The following USP12 variants were observed in gnomAD, a reference collection of about 807,000 sequenced individuals.
The protein encoded by USP12 is ubiquitin carboxyl-terminal hydrolase 12.
USP12 carries 19 observed loss-of-function variants against 45.5 expected under a neutral mutation model. That is an observed-to-expected ratio of 0.42 (90% confidence interval 0.29 to 0.61). The LOEUF is 0.61. Ranked by LOEUF, USP12 falls within the 20% of genes least tolerant of loss-of-function variation. The pLI is 0.22. For missense variants in USP12, 242 were observed against 447.7 expected (o/e 0.54, Z 4.15); for synonymous variants, 149 against 148.8 (o/e 1.00, Z -0.01).
chr13:27,163,155 C>T (rs531671706), intron 1 of USP12, among the ~76,000 whole-genome samples: 13 of 152,276 alleles, frequency 8.5e-5, no homozygotes, highest in Admixed American at 8.5e-4. Flanking sequence ...TTTACCAACT[C>T]CATTGTTTCT....
intron 1 of USP12, among the ~76,000 whole-genome samples, chr13:27,158,618 T>C (rs1877951378): frequency 6.6e-6 from 1 of 152,210 alleles, no homozygotes. Flanking sequence ...TGTAGGTAAC[T>C]GTAACACAAT....
At chr13:27,155,822 C>T (rs141591841) in intron 1 of USP12, among the ~76,000 whole-genome samples, 2 of 152,252 alleles carry the variant, frequency 1.3e-5, no homozygotes. Flanking sequence ...GGAAAAGGTT[C>T]AACTTAATTT....
intron 4 of USP12, among the ~76,000 whole-genome samples, chr13:27,091,591 G>T (rs1200025407): frequency 6.6e-6 from 1 of 152,176 alleles, no homozygotes; most frequent in African/African-American, 2.4e-5. Context: ...GCACAATATG[G>T]GGAGATCCCA....
chr13:27,127,812 G>A (rs140837793), intron 1 of USP12, among the ~76,000 whole-genome samples: 14 of 152,138 alleles, frequency 9.2e-5, no homozygotes, highest in Admixed American at 3.9e-4. Context: ...TAATCACTGC[G>A]CAAGTAACTG....
intron 6 of USP12, among the ~76,000 whole-genome samples, chr13:27,085,732 G>A (rs1394406265): frequency 6.6e-6 from 1 of 151,590 alleles, no homozygotes; most frequent in Non-Finnish European, 1.5e-5. Context: ...CCTACAAAGT[G>A]TCCAAAAATA....
At chr13:27,158,630 G>A (rs1280985627) in intron 1 of USP12, among the ~76,000 whole-genome samples, 1 of 152,124 alleles carries the variant, frequency 6.6e-6, no homozygotes, top group Non-Finnish European at 1.5e-5. Context: ...TAACACAATG[G>A]TAAGTATTCA....
rs182874416 is a variant in USP12, at chr13:27,118,839, G to A, written c.49-2243C>T. On this transcript the variant is annotated intron_variant, in intron 1 of 8. Transcript: ENST00000282344. ...GAAGGTTATCTCTCTACTGTTAGCC[G>A]AATCACATGCCACTCGCCTTGTATT... Among the ~76,000 whole-genome samples, 220 of 152,236 alleles carry A rather than the reference G, an allele frequency of 1.4e-3. 1 individual carries two copies. Among genetic ancestry groups the A allele is most frequent in the Middle Eastern group, 6.8e-3 (2 of 294 alleles).
At chr13:27,136,780 C>T (rs539453493) in intron 1 of USP12, among the ~76,000 whole-genome samples, 1 of 151,954 alleles carries the variant, frequency 6.6e-6, no homozygotes, top group East Asian at 1.9e-4. Context: ...AAAAGGAAAA[C>T]CTAGATCAAA....
chr13:27,155,841 T>C (rs1409537467), intron 1 of USP12, among the ~76,000 whole-genome samples: 2 of 152,234 alleles, frequency 1.3e-5, no homozygotes, highest in East Asian at 1.9e-4. Flanking sequence ...TTGTAAACTT[T>C]AGCCTGCCTA....
chr13:27,075,886 C>T lies in USP12; in HGVS notation c.735-498G>A, dbSNP rs533958508. Among the ~76,000 whole-genome samples, 1,099 of 151,990 alleles carry T rather than the reference C, an allele frequency of 7.2e-3. 12 individuals carry two copies. The highest frequency in any genetic ancestry group is 0.022 in the African/African-American group (906 of 41,452). ...CTCTACTAAAAATACAAAAAATAGC[C>T]GGGCATAGTGGCAGGCGCCCATAGT... On this transcript the variant is annotated intron_variant, in intron 6 of 8. Coordinates refer to ENST00000282344, the MANE Select transcript of USP12 (RefSeq NM_182488.4).
At chr13:27,164,231 G>A (rs1243766226) in intron 1 of USP12, among the ~76,000 whole-genome samples, 2 of 152,200 alleles carry the variant, frequency 1.3e-5, no homozygotes, top group Non-Finnish European at 2.9e-5. Context: ...AGTAGAGAAT[G>A]TGTGGATGCT....
At chr13:27,156,832 A>G (rs937971665) in intron 1 of USP12, among the ~76,000 whole-genome samples, 8 of 149,312 alleles carry the variant, frequency 5.4e-5, no homozygotes, top group African/African-American at 2.0e-4. Context: ...AAAAAAACAA[A>G]AGAGAGAGAG....
At chr13:27,159,020 A>G (rs1411549694) in intron 1 of USP12, among the ~76,000 whole-genome samples, 1 of 151,998 alleles carries the variant, frequency 6.6e-6, no homozygotes, top group Non-Finnish European at 1.5e-5. Flanking sequence ...ACATATCCCA[A>G]CTCTTTCTAG....
chr13:27,120,291 A>T (rs2137800674), intron 1 of USP12, among the ~76,000 whole-genome samples: 1 of 152,344 alleles, frequency 6.6e-6, no homozygotes, highest in South Asian at 2.1e-4. Flanking sequence ...CCCTATCAAA[A>T]CTAACAATAG....
At chr13:27,127,212 G>A (rs1876282234) in intron 1 of USP12, among the ~76,000 whole-genome samples, 1 of 152,184 alleles carries the variant, frequency 6.6e-6, no homozygotes, top group Non-Finnish European at 1.5e-5. Flanking sequence ...AAGTTAAAAT[G>A]TGCACCATAA....
intron 1 of USP12, among the ~76,000 whole-genome samples, chr13:27,133,869 TG>T (rs1876652402): frequency 1.3e-5 from 2 of 152,370 alleles, no homozygotes; most frequent in South Asian, 4.1e-4. Flanking sequence ...TGGTGGCTTG[TG>T]CCTGTAATCC....
intron 6 of USP12, among the ~76,000 whole-genome samples, chr13:27,076,825 T>A (rs1338767149): frequency 6.6e-6 from 1 of 152,218 alleles, no homozygotes; most frequent in African/African-American, 2.4e-5. Flanking sequence ...TTATTATTCC[T>A]AAATTACTTA....
At chr13:27,085,879 C>G (rs113611659) in intron 6 of USP12, among the ~76,000 whole-genome samples, 9 of 152,072 alleles carry the variant, frequency 5.9e-5, no homozygotes, top group African/African-American at 2.2e-4. Context: ...AAAAAATATA[C>G]TATGCAGCAG....
At chr13:27,162,429 T>C (rs1329204987) in intron 1 of USP12, among the ~76,000 whole-genome samples, 3 of 152,198 alleles carry the variant, frequency 2.0e-5, no homozygotes, top group African/African-American at 7.2e-5. Flanking sequence ...GTCTAGAAAT[T>C]TGGACCCCAT....
Sources: allele counts gnomAD v4.1 joint callset (sites outside exome capture counted in the v4.1 genomes callset), GRCh38; gene constraint gnomAD v4.1.1; transcripts MANE v1.5; gene names NCBI Gene and HGNC (gene_info 2026-07-23, HGNC 2026-07-21).